Variants in ZEB1 observed in about 807,000 individuals in gnomAD.
ZEB1 encodes zinc finger E-box-binding homeobox 1.
In ZEB1, 21 loss-of-function variants were observed where a neutral mutation model predicts 84.9. The ratio of observed to expected loss-of-function variants is 0.25; its 90% CI spans 0.18 to 0.36. ZEB1 has a LOEUF of 0.36. Ranked by LOEUF, ZEB1 falls within the 10% of genes least tolerant of loss-of-function variation. ZEB1 has a pLI of 1.00. For synonymous variants in ZEB1, 420 were observed against 471.1 expected, an observed-to-expected ratio of 0.89 and a Z score of 1.41; for missense variants, 1,104 against 1,330.2, an observed-to-expected ratio of 0.83 and a Z score of 2.65.
chr10:31,471,041 C>A (rs1290044533), intron 2 of ZEB1, among the ~76,000 whole-genome samples: 1 of 129,588 alleles, frequency 7.7e-6, no homozygotes, highest in Non-Finnish European at 1.6e-5. Context: ...GCAGGCCTGC[C>A]CTAAAAGAGC....
At chr10:31,340,641 C>T (rs979530388) in intron 1 of ZEB1, among the ~76,000 whole-genome samples, 2 of 152,134 alleles carry the variant, frequency 1.3e-5, no homozygotes, top group East Asian at 1.9e-4. Context: ...GTAGGTAAAG[C>T]TGTGGTCTAT....
intron 1 of ZEB1, among the ~76,000 whole-genome samples, chr10:31,336,242 C>A (rs761591142): frequency 1.5e-4 from 23 of 152,112 alleles, no homozygotes; most frequent in Non-Finnish European, 3.1e-4. Context: ...GAGATAATAG[C>A]AAGATACTCA....
At chr10:31,507,202 A>G (rs1005921662) in intron 4 of ZEB1, among the ~76,000 whole-genome samples, 1 of 152,112 alleles carries the variant, frequency 6.6e-6, no homozygotes, top group African/African-American at 2.4e-5. Flanking sequence ...ATAAACTGCT[A>G]TTAGTCGTAT....
chr10:31,337,073 G>A lies in ZEB1; in HGVS notation c.58+17781G>A, dbSNP rs186870421. Among the ~76,000 whole-genome samples the A allele has an allele frequency of 2.5e-4, 38 of 152,192 alleles. 1 individual carries two copies. The South Asian group carries it at 7.5e-3, about 30-fold the overall frequency. On this transcript the variant is annotated intron_variant, in intron 1 of 8. Transcript: ENST00000424869. The stretch of plus-strand genomic sequence containing the variant: ...AAATAAATAATAGGATAAGTAAATT[G>A]TAGTATATTTATACAATGGAATGCA...
At chr10:31,429,040 T>C (rs2057347122) in intron 1 of ZEB1, among the ~76,000 whole-genome samples, 3 of 152,208 alleles carry the variant, frequency 2.0e-5, no homozygotes, top group African/African-American at 7.2e-5. Flanking sequence ...TGTCTTTTAA[T>C]TGGGGCATTG....
rs150732227 is a variant in ZEB1, at chr10:31,426,261, G to A, written c.59-34776G>A. On this transcript the variant is annotated intron_variant, in intron 1 of 8. Coordinates refer to ENST00000424869, the MANE Select transcript of ZEB1 (RefSeq NM_001174096.2). The stretch of plus-strand genomic sequence containing the variant: ...GCCAATCTGAAGATTCAAGCTATAA[G>A]TTGAATACAAAGTATGTGACCTAGA... 2.8e-3 allele frequency among the ~76,000 whole-genome samples: 432 copies of A among 152,286 alleles called. 4 individuals are homozygous for A. The highest frequency in any genetic ancestry group is 9.3e-3 in the African/African-American group (388 of 41,566).
At chr10:31,490,781 T>C (rs1591810998) in intron 2 of ZEB1, among the ~76,000 whole-genome samples, 2 of 151,950 alleles carry the variant, frequency 1.3e-5, no homozygotes, top group East Asian at 3.9e-4. Flanking sequence ...AGTATTATGT[T>C]GTGAGATTAA....
intron 1 of ZEB1, among the ~76,000 whole-genome samples, chr10:31,449,838 A>G (rs910067303): frequency 6.6e-6 from 1 of 152,220 alleles, no homozygotes; most frequent in Non-Finnish European, 1.5e-5. Flanking sequence ...TCAAGAATAT[A>G]TGTGCAGTAT....
intron 1 of ZEB1, among the ~76,000 whole-genome samples, chr10:31,393,177 A>G (rs1055883054): frequency 3.3e-5 from 5 of 152,196 alleles, no homozygotes; most frequent in Non-Finnish European, 5.9e-5. Context: ...AATTGTGCTT[A>G]AAGATTCTAA....
intron 1 of ZEB1, among the ~76,000 whole-genome samples, chr10:31,324,819 T>C (rs891646778): frequency 2.0e-5 from 3 of 152,070 alleles, no homozygotes; most frequent in African/African-American, 7.2e-5. Flanking sequence ...GTTGTACATA[T>C]TACTGGCTAA....
intron 2 of ZEB1, among the ~76,000 whole-genome samples, chr10:31,472,269 C>T (rs944212728): frequency 8.6e-5 from 13 of 151,900 alleles, no homozygotes; most frequent in African/African-American, 2.9e-4. Context: ...TAATTAATCC[C>T]AGAGCTGGTT....
rs1834747016 is a variant in ZEB1 at position 31,529,538 on chromosome 10, TC to T, written c.*2276del. 1 of 152,228 alleles carries T rather than the reference TC, an allele frequency of 6.6e-6. No homozygotes were observed. Among genetic ancestry groups the T allele is most frequent in the Admixed American group, 6.5e-5 (1 of 15,280 alleles). 9.4% of individuals were successfully genotyped at this position (152,228 alleles called of 1,614,324 possible). On this transcript the variant is annotated 3_prime_UTR_variant, in exon 9 of 9. Transcript: ENST00000424869. ...ATACCTCTGATACTATTATTTATAT[TC>T]CTTCCCCACTAGGAACAGGAACCAC...
chr10:31,429,158 C>T (rs1041386476), intron 1 of ZEB1, among the ~76,000 whole-genome samples: 36 of 152,112 alleles, frequency 2.4e-4, no homozygotes, highest in Non-Finnish European at 7.4e-5. Context: ...CTTTATAGTG[C>T]CACTGGTCTG....
chr10:31,484,948 CTCTG>C, intron 2 of ZEB1, among the ~76,000 whole-genome samples: 1 of 152,004 alleles, frequency 6.6e-6, no homozygotes, highest in Non-Finnish European at 1.5e-5. Context: ...TGTTGTAATT[CTCTG>C]TCTCTCTCTC....
chr10:31,491,778 T>G (rs1565101345), intron 2 of ZEB1, among the ~76,000 whole-genome samples: 1 of 152,044 alleles, frequency 6.6e-6, no homozygotes, highest in Non-Finnish European at 1.5e-5. Flanking sequence ...CAGGTATATA[T>G]TTTTAATCAT....
intron 1 of ZEB1, among the ~76,000 whole-genome samples, chr10:31,364,338 CT>C (rs1466089961): frequency 6.6e-6 from 1 of 152,172 alleles, no homozygotes; most frequent in East Asian, 1.9e-4. Flanking sequence ...ATGGGCCCCC[CT>C]GTGGGGCTGT....
intron 1 of ZEB1, chr10:31,321,713 G>A: frequency 1.2e-6 from 1 of 823,806 alleles, no homozygotes; most frequent in Non-Finnish European, 2.0e-6. Flanking sequence ...TTTTCTCCTT[G>A]AGATCCTGTG....
chr10:31,469,072 AAAAC>A (rs1163756143), intron 2 of ZEB1, among the ~76,000 whole-genome samples: 4 of 152,352 alleles, frequency 2.6e-5, no homozygotes, highest in Non-Finnish European at 5.9e-5. Flanking sequence ...TATTTTTTAA[AAAAC>A]AAATGGAATA....
At chr10:31,422,940 T>C (rs1176344066) in intron 1 of ZEB1, among the ~76,000 whole-genome samples, 3 of 152,060 alleles carry the variant, frequency 2.0e-5, no homozygotes, top group Non-Finnish European at 4.4e-5. Flanking sequence ...TCTGTGCCAG[T>C]GTTAATTTGC....
Sources: gnomAD v4.1 joint callset for allele counts (sites outside exome capture counted in the v4.1 genomes callset) on GRCh38, gnomAD v4.1.1 for gene constraint, MANE v1.5 for transcripts, NCBI Gene and HGNC (gene_info 2026-07-23, HGNC 2026-07-21) for gene names.